FNTB: variants seen among roughly 807,000 people sequenced by gnomAD.
The protein encoded by FNTB is protein farnesyltransferase subunit beta.
A neutral mutation model predicts 59.4 loss-of-function variants in FNTB; 27 were observed. That is an observed-to-expected ratio of 0.45 (90% confidence interval 0.34 to 0.63). FNTB has a LOEUF of 0.63. FNTB is among the 20% of genes least tolerant of loss of function. The pLI is 0.02. For synonymous variants in FNTB, 230 were observed against 220.7 expected (o/e 1.04, Z -0.37); for missense variants, 449 against 559.6 (o/e 0.80, Z 1.99).
chr14:65,009,893 G>A lies in FNTB; in HGVS notation c.210-2424G>A, dbSNP rs73268765. On this transcript the variant is annotated intron_variant, in intron 2 of 11. Transcript: ENST00000246166. The surrounding 1 kb of genome is among the most constrained non-coding windows in gnomAD (Gnocchi z 4.2). ...AGGGCTCTGCTTGTCATTTTCACAT[G>A]TGTGTCCACCTCTGGACTGTCGCTC... 0.01 allele frequency among the ~76,000 whole-genome samples: 1,592 copies of A among 152,170 alleles called. 25 individuals are homozygous for A. Among genetic ancestry groups the A allele is most frequent in the East Asian group, 0.08 (411 of 5,162 alleles).
chr14:65,041,679 T>C lies in FNTB; in HGVS notation c.822+760T>C, dbSNP rs143942218. 4.6e-5 allele frequency among the ~76,000 whole-genome samples: 7 copies of C among 152,328 alleles called. No homozygotes were observed. In the East Asian group the frequency reaches 1.3e-3, roughly 29 times the overall value. On this transcript the variant is annotated intron_variant, in intron 8 of 11. Transcript: ENST00000246166. ...TTCCTGGAGAGTTTCTGTTGTACCCTGTAGACATGTAACCAGCAGTGTCTT... is the reference window on the plus strand; with the variant it reads ...TTCCTGGAGAGTTTCTGTTGTACCCCGTAGACATGTAACCAGCAGTGTCTT...
chr14:64,987,873 A>G (rs904776173), intron 1 of FNTB, among the ~76,000 whole-genome samples: 2 of 152,138 alleles, frequency 1.3e-5, no homozygotes, highest in African/African-American at 4.8e-5. Flanking sequence ...CTTATTCCCT[A>G]ATTGGAATTG....
At chr14:65,040,664 C>A in intron 7 of FNTB, 126 bp from the exon 8 acceptor site, 63 of 567,598 alleles carry the variant, frequency 1.1e-4, no homozygotes, top group East Asian at 1.6e-4. Context: ...GGCATCTTTT[C>A]ATTCATAGTT....
rs769556051 is a variant in FNTB, at chr14:65,044,313, A to G, written c.825A>G (p.Gln275=). 8.7e-6 allele frequency: 14 copies of G among 1,613,178 alleles called. No homozygotes were observed. The highest frequency in any genetic ancestry group is 8.0e-5 in the African/African-American group (6 of 74,904). Residue 275 remains glutamine, a splice_region_variant and synonymous_variant, in exon 9 of 12, where the codon CAA becomes CAG. Transcript: ENST00000246166. This position sits in a 1 kb window ranked among gnomAD's most constrained non-coding sequence, Gnocchi z 5.5. ...CTTTCCCATCTGTGTCTCCTCAGCA[A>G]TGGGTGACAAGCCGGCAGATGCGAT... ...ERSLNLKSLL[Q]WVTSRQMRFE...
chr14:65,040,631 A>T (rs1286916432), intron 7 of FNTB, among the ~76,000 whole-genome samples, 159 bp from the exon 8 acceptor site: 2 of 142,240 alleles, frequency 1.4e-5, no homozygotes, highest in African/African-American at 5.4e-5. Flanking sequence ...TTTTGAAAAG[A>T]CATTTCCAAA....
At chr14:65,004,704 C>T (rs1182298460) in intron 2 of FNTB, among the ~76,000 whole-genome samples, 1 of 151,870 alleles carries the variant, frequency 6.6e-6, no homozygotes, top group Non-Finnish European at 1.5e-5. Context: ...CTCTTGTTGC[C>T]CAGGCTGGGG....
intron 9 of FNTB, among the ~76,000 whole-genome samples, chr14:65,045,727 T>A (rs1280057709): frequency 6.6e-6 from 1 of 151,750 alleles, no homozygotes; most frequent in Non-Finnish European, 1.5e-5. Flanking sequence ...TGAGCCTCAT[T>A]ATTTAGTTTC....
At chr14:65,039,742 T>G (rs2062301616) in intron 7 of FNTB, among the ~76,000 whole-genome samples, 1 of 152,252 alleles carries the variant, frequency 6.6e-6, no homozygotes, top group Non-Finnish European at 1.5e-5. Context: ...GGCTCATGGT[T>G]CTGCAGGCTG....
rs2061646051 is a variant in FNTB, at chr14:65,009,209, G to T, written c.210-3108G>T. ...TGCCATAAGACGGTATCACAGATGG[G>T]GTGCATTAAACCACAGAGATTTATT... On this transcript the variant is annotated intron_variant, in intron 2 of 11. Coordinates refer to ENST00000246166, the MANE Select transcript of FNTB (RefSeq NM_002028.4). This position sits in a 1 kb window ranked among gnomAD's most constrained non-coding sequence, Gnocchi z 4.2. Among the ~76,000 whole-genome samples the T allele has an allele frequency of 6.6e-6, 1 of 152,090 alleles. No homozygotes were observed. Among genetic ancestry groups the T allele is most frequent in the Non-Finnish European group, 1.5e-5 (1 of 68,024 alleles).
intron 11 of FNTB, among the ~76,000 whole-genome samples, chr14:65,057,736 G>A (rs1192361001): frequency 6.6e-6 from 1 of 152,150 alleles, no homozygotes; most frequent in Non-Finnish European, 1.5e-5. Context: ...TTCTGTGTAT[G>A]GTGAGGCTTG....
At position 65,005,601 on chromosome 14, in the gene FNTB, C is replaced by CTT. The variant is rs796526182; in HGVS notation, c.209+1290_209+1291dup. On this transcript the variant is annotated intron_variant, in intron 2 of 11. Coordinates refer to ENST00000246166, the MANE Select transcript of FNTB (RefSeq NM_002028.4). ...GTCTCTGTCTTTCTCACTTTCTTTCCTTTCTGTCTGTCTTGTCTTGTCCTG... is the reference window on the plus strand; with the variant it reads ...GTCTCTGTCTTTCTCACTTTCTTTCCTTTTTCTGTCTGTCTTGTCTTGTCCTG... Among the ~76,000 whole-genome samples, 15 of 149,516 alleles carry CTT rather than the reference C, an allele frequency of 1.0e-4. 1 individual carries two copies. The highest frequency in any genetic ancestry group is 3.5e-4 in the African/African-American group (14 of 40,574).
chr14:64,994,501 G>A lies in FNTB; in HGVS notation c.144+7404G>A, dbSNP rs566067240. Among the ~76,000 whole-genome samples, 10 of 152,274 alleles carry A rather than the reference G, an allele frequency of 6.6e-5. No individual in the cohort carries two copies. The South Asian group carries it at 2.1e-3, about 32-fold the overall frequency. On this transcript the variant is annotated intron_variant, in intron 1 of 11. Transcript: ENST00000246166. The surrounding 1 kb of genome is among the most constrained non-coding windows in gnomAD (Gnocchi z 4.2). ...CCTAGGCTATATGGTATAGCTTGTT[G>A]CTCCTAGGCTACAGGCTACAAACCT...
rs1385944100 is a variant in FNTB, at chr14:65,023,181, C to G, written c.375-4272C>G. Among the ~76,000 whole-genome samples, 4 of 152,138 alleles carry G rather than the reference C, an allele frequency of 2.6e-5. No individual in the cohort carries two copies. In the East Asian group the frequency reaches 5.8e-4, roughly 22 times the overall value. ...TCAAGTGATCCTCCCACCTCAGCCT[C>G]CTGAGTAGCTGGGGCTAGAGGTGGG... On this transcript the variant is annotated intron_variant, in intron 4 of 11. Coordinates refer to ENST00000246166, the MANE Select transcript of FNTB (RefSeq NM_002028.4). The surrounding 1 kb of genome is among the most constrained non-coding windows in gnomAD (Gnocchi z 4.1).
At position 65,061,225 on chromosome 14, in the gene FNTB, C is replaced by G; in HGVS notation, c.1227C>G (p.Ile409Met). 1 of 1,614,184 alleles carries G rather than the reference C, an allele frequency of 6.2e-7. No homozygotes were observed. Among genetic ancestry groups the G allele is most frequent in the South Asian group, 1.1e-5 (1 of 91,082 alleles). ...PVYNIGPDKVIQATTYFLQKP... is the reference protein window; with the variant it reads ...PVYNIGPDKVMQATTYFLQKP... ...ACAACATTGGACCAGACAAGGTGAT[C>G]CAGGCCACTACATACTTTCTACAGA... The change falls in exon 12 of 12, where the codon ATC becomes ATG. Residue 409 changes from isoleucine (I) to methionine (M), a missense_variant. Ile to Met is a conservative substitution (Grantham distance 10). Coordinates refer to ENST00000246166, the MANE Select transcript of FNTB (RefSeq NM_002028.4).
chr14:64,997,883 A>G lies in FNTB; in HGVS notation c.145-6366A>G, dbSNP rs540618953. Among the ~76,000 whole-genome samples, 1 of 152,306 alleles carries G rather than the reference A, an allele frequency of 6.6e-6. No homozygotes were observed. Among genetic ancestry groups the G allele is most frequent in the African/African-American group, 2.4e-5 (1 of 41,558 alleles). On this transcript the variant is annotated intron_variant, in intron 1 of 11. Coordinates refer to ENST00000246166, the MANE Select transcript of FNTB (RefSeq NM_002028.4). This position sits in a 1 kb window ranked among gnomAD's most constrained non-coding sequence, Gnocchi z 4.5. The stretch of plus-strand genomic sequence containing the variant: ...GTAATTTTCCCTTACAAATGAGGTA[A>G]CTTCTACTCTGTTTTCAGAGCTTTT...
At chr14:65,033,820 GCACTCCAGCCTGGGC>G (rs1481970086) in intron 7 of FNTB, among the ~76,000 whole-genome samples, 1 of 152,186 alleles carries the variant, frequency 6.6e-6, no homozygotes, top group African/African-American at 2.4e-5. Context: ...TCACGCCACT[GCACTCCAGCCTGGGC>G]GACAGGGCGA....
rs576016013 is a variant in FNTB at position 65,016,828 on chromosome 14, A to G, written c.374+1112A>G. ...GCATTGTTTTGATCATCGGGATGCCACTGCAAGCCTGGCTGCTTCCAGCAC... is the reference window on the plus strand; with the variant it reads ...GCATTGTTTTGATCATCGGGATGCCGCTGCAAGCCTGGCTGCTTCCAGCAC... On this transcript the variant is annotated intron_variant, in intron 4 of 11. Transcript: ENST00000246166. Among the ~76,000 whole-genome samples, 2 of 152,146 alleles carry G rather than the reference A, an allele frequency of 1.3e-5. 1 individual carries two copies. The highest frequency in any genetic ancestry group is 4.1e-4 in the South Asian group (2 of 4,828).
chr14:65,043,828 C>CCAAA (rs2062410402), intron 8 of FNTB, among the ~76,000 whole-genome samples: 1 of 64,234 alleles, frequency 1.6e-5, no homozygotes, highest in African/African-American at 5.7e-5. Flanking sequence ...GACTCCGTCT[C>CCAAA]AAAAAAAAAA....
rs778200008 is a variant in FNTB, at chr14:65,000,838, A to AAAAAAAAAAAAAAAAAAG, written c.145-3408_145-3407insAAAAAAAAAAAAAAGAAA. Among the ~76,000 whole-genome samples, 110 of 116,078 alleles carry AAAAAAAAAAAAAAAAAAG rather than the reference A, an allele frequency of 9.5e-4. 11 individuals are homozygous for AAAAAAAAAAAAAAAAAAG. Among genetic ancestry groups the AAAAAAAAAAAAAAAAAAG allele is most frequent in the Non-Finnish European group, 1.6e-3 (79 of 49,724 alleles). The allele number at this position is 116,078 out of a possible 152,430, so 76.2% of individuals were successfully genotyped here. ...CTCAAAAAAAAAAAAAAAAAAAAAAAAAAGAATAGTTACCCAAAAAGCTGG... is the reference window on the plus strand; with the variant it reads ...CTCAAAAAAAAAAAAAAAAAAAAAAAAAAAAAAAAAAAAAAAAGAAAGAATAGTTACCCAAAAAGCTGG... On this transcript the variant is annotated intron_variant, in intron 1 of 11. Coordinates refer to ENST00000246166, the MANE Select transcript of FNTB (RefSeq NM_002028.4).
Sources: gnomAD v4.1 joint callset for allele counts (sites outside exome capture counted in the v4.1 genomes callset) on GRCh38, gnomAD v4.1.1 for gene constraint, Gnocchi (gnomAD v3.1) non-coding constraint, MANE v1.5 for transcripts, NCBI Gene and HGNC (gene_info 2026-07-23, HGNC 2026-07-21) for gene names.